The following NSRP1 variants were observed in gnomAD, a reference collection of about 807,000 sequenced individuals.
NSRP1 encodes the protein nuclear speckle splicing regulatory protein 1.
A neutral mutation model predicts 54.7 loss-of-function variants in NSRP1; 24 were observed. That is an observed-to-expected ratio of 0.44 (90% confidence interval 0.32 to 0.62). The LOEUF is 0.62. NSRP1 is among the 20% of genes least tolerant of loss of function. The pLI is 0.06. For missense variants in NSRP1, 596 were observed against 651.2 expected, an observed-to-expected ratio of 0.92 and a Z score of 0.92; for synonymous variants, 210 against 213.8, an observed-to-expected ratio of 0.98 and a Z score of 0.15.
rs372734687 is a variant in NSRP1 at position 30,179,191 on chromosome 17, G to A, written c.402G>A (p.Lys134=). 1.5e-5 allele frequency: 24 copies of A among 1,611,512 alleles called. 1 individual carries two copies. The South Asian group carries it at 2.7e-4, about 18-fold the overall frequency. The change falls in exon 5 of 7, where the codon AAG becomes AAA. Residue 134 remains lysine (K), a synonymous_variant. Coordinates refer to ENST00000247026, the MANE Select transcript of NSRP1 (RefSeq NM_032141.4). ...KKIQREREME[K]GEFDDKEAFV... ...TACAGAGAGAACGAGAAATGGAAAA[G>A]GGGGAGTTTGATGATAAAGAAGCAT...
intron 6 of NSRP1, among the ~76,000 whole-genome samples, chr17:30,182,497 C>T (rs991272005): frequency 2.7e-4 from 41 of 151,034 alleles, no homozygotes; most frequent in African/African-American, 9.0e-4. Flanking sequence ...CAAAAATTAG[C>T]TCGGCATTGT....
At chr17:30,132,711 C>G (rs1204492631) in intron 2 of NSRP1, among the ~76,000 whole-genome samples, 2 of 152,154 alleles carry the variant, frequency 1.3e-5, no homozygotes, top group African/African-American at 4.8e-5. Context: ...CCATTTCTAC[C>G]CCATCTGTAG....
intron 2 of NSRP1, among the ~76,000 whole-genome samples, chr17:30,135,699 C>T (rs2071744717): frequency 1.3e-5 from 2 of 148,826 alleles, no homozygotes; most frequent in Admixed American, 1.3e-4. Flanking sequence ...TGGTCTCGAT[C>T]TCCTGACCTA....
At chr17:30,167,915 A>G (rs1329336998) in intron 2 of NSRP1, among the ~76,000 whole-genome samples, 1 of 152,180 alleles carries the variant, frequency 6.6e-6, no homozygotes, top group Admixed American at 6.5e-5. Flanking sequence ...AATAATACTT[A>G]TGTTACTCTA....
At chr17:30,155,470 A>T (rs12602065) in intron 2 of NSRP1, among the ~76,000 whole-genome samples, 1 of 151,970 alleles carries the variant, frequency 6.6e-6, no homozygotes, top group Non-Finnish European at 1.5e-5. Context: ...TATTTCTTTG[A>T]ATCTGTTTAG....
At chr17:30,176,407 G>A (rs565399353) in intron 3 of NSRP1, among the ~76,000 whole-genome samples, 3 of 151,906 alleles carry the variant, frequency 2.0e-5, no homozygotes, top group African/African-American at 4.8e-5. Flanking sequence ...TCAGGAGTTC[G>A]AGAACAGCTT....
intron 2 of NSRP1, among the ~76,000 whole-genome samples, chr17:30,169,765 A>T (rs1904858337): frequency 6.6e-6 from 1 of 152,018 alleles, no homozygotes; most frequent in South Asian, 2.1e-4. Context: ...TTAATTTTTT[A>T]AATATGTATT....
rs1904995441 is a variant in NSRP1 at position 30,172,640 on chromosome 17, C to G, written c.171+42C>G. The G allele has an allele frequency of 2.6e-6, 4 of 1,517,674 alleles. No individual in the cohort carries two copies. In the South Asian group the frequency reaches 3.6e-5, roughly 14 times the overall value. The allele number at this position is 1,517,674 out of a possible 1,614,324, so 94.0% of individuals were successfully genotyped here. On this transcript the variant is annotated intron_variant, in intron 3 of 6. Coordinates refer to ENST00000247026, the MANE Select transcript of NSRP1 (RefSeq NM_032141.4). ...GGATAAGTGCATTCAGTGAAGCATTCCGGCTCATTTTTAAGCATCAGTTTT... is the reference window on the plus strand; with the variant it reads ...GGATAAGTGCATTCAGTGAAGCATTGCGGCTCATTTTTAAGCATCAGTTTT...
At chr17:30,168,299 T>A (rs1904808846) in intron 2 of NSRP1, 3 of 152,132 alleles carry the variant, frequency 2.0e-5, no homozygotes, top group South Asian at 4.1e-4. Context: ...GTTAGGATTA[T>A]TGTAACTACT....
In NSRP1 at chr17:30,180,904, T is replaced by C. The variant is rs1425222035; in HGVS notation, c.509-4T>C. ...TATTCTAATTTTTGCTTTCCCTCTG[T>C]TAGCATGTTTGGATGTAACCAAGCA... On this transcript the variant is annotated splice_region_variant and splice_polypyrimidine_tract_variant and intron_variant, in intron 5 of 6. Coordinates refer to ENST00000247026, the MANE Select transcript of NSRP1 (RefSeq NM_032141.4). 1 of 1,599,018 alleles carries C rather than the reference T, an allele frequency of 6.3e-7. No homozygotes were observed. Among genetic ancestry groups the C allele is most frequent in the Non-Finnish European group, 8.6e-7 (1 of 1,167,288 alleles).
intron 2 of NSRP1, among the ~76,000 whole-genome samples, chr17:30,136,267 A>T (rs2071750485): frequency 6.6e-6 from 1 of 152,190 alleles, no homozygotes; most frequent in East Asian, 1.9e-4. Flanking sequence ...ATTATATATT[A>T]AATTTCCATA....
At chr17:30,181,707 T>C (rs563778134) in intron 6 of NSRP1, among the ~76,000 whole-genome samples, 47 of 151,690 alleles carry the variant, frequency 3.1e-4, no homozygotes, top group Non-Finnish European at 4.1e-4. Flanking sequence ...GCCTCTCAAG[T>C]TCAAGGGATT....
In NSRP1 at chr17:30,185,288, A is replaced by AATG. The variant is rs1905485210; in HGVS notation, c.1294_1296dup (p.Asp432dup). ...AGTAAGGAAGGAAAGATATGAAAAT[A>AATG]ATGATAAATACAGAGATAGAGAAAA... On this transcript the variant is annotated inframe_insertion, in exon 7 of 7. Coordinates refer to ENST00000247026, the MANE Select transcript of NSRP1 (RefSeq NM_032141.4). 1 of 1,603,816 alleles carries AATG rather than the reference A, an allele frequency of 6.2e-7. No homozygotes were observed. The highest frequency in any genetic ancestry group is 1.4e-5 in the African/African-American group (1 of 73,892).
intron 2 of NSRP1, chr17:30,168,090 TG>T (rs1181198890): frequency 1.3e-5 from 2 of 152,200 alleles, no homozygotes; most frequent in Non-Finnish European, 2.9e-5. Flanking sequence ...TGTGTTGTCT[TG>T]AGACATTTCA....
chr17:30,149,391 A>G (rs1424885576), intron 2 of NSRP1, among the ~76,000 whole-genome samples: 2 of 152,182 alleles, frequency 1.3e-5, no homozygotes, highest in Non-Finnish European at 2.9e-5. Context: ...TGACCAAAGA[A>G]CATAAGATTA....
chr17:30,139,803 T>A (rs2071786475), intron 2 of NSRP1, among the ~76,000 whole-genome samples: 1 of 152,152 alleles, frequency 6.6e-6, no homozygotes, highest in Admixed American at 6.5e-5. Flanking sequence ...GGCGGGCGGA[T>A]CATGAGGTCA....
intron 3 of NSRP1, among the ~76,000 whole-genome samples, chr17:30,174,055 C>T (rs1597619279): frequency 1.3e-5 from 2 of 152,292 alleles, no homozygotes; most frequent in African/African-American, 4.8e-5. Flanking sequence ...GTTCAACTTC[C>T]TCACTATATA....
At chr17:30,156,816 G>A (rs896585956) in intron 2 of NSRP1, among the ~76,000 whole-genome samples, 2 of 152,204 alleles carry the variant, frequency 1.3e-5, no homozygotes, top group African/African-American at 4.8e-5. Context: ...ACTGTGCCCC[G>A]CTGATTCCAT....
At chr17:30,122,841 T>C (rs769485037) in intron 2 of NSRP1, among the ~76,000 whole-genome samples, 9 of 152,156 alleles carry the variant, frequency 5.9e-5, no homozygotes, top group Non-Finnish European at 1.2e-4. Context: ...ATATAGAAGG[T>C]GTACAGTGGT....
Sources: gnomAD v4.1 joint callset for allele counts (sites outside exome capture counted in the v4.1 genomes callset) on GRCh38, gnomAD v4.1.1 for gene constraint, MANE v1.5 for transcripts, NCBI Gene and HGNC (gene_info 2026-07-23, HGNC 2026-07-21) for gene names.